CCDC149: variants seen among roughly 807,000 people sequenced by gnomAD.
CCDC149 encodes the protein coiled-coil domain-containing protein 149.
CCDC149 carries 45 observed loss-of-function variants against 59.9 expected under a neutral mutation model. The observed-to-expected ratio is 0.75, with a 90% confidence interval of 0.59 to 0.96. The LOEUF is 0.96. CCDC149 is among the 40% of genes least tolerant of loss of function. The probability of loss-of-function intolerance (pLI) is 0.00; values close to 1 mark genes in which losing one functional copy is unlikely to be tolerated. For synonymous variants in CCDC149, 245 were observed against 260.6 expected (o/e 0.94, Z 0.58); for missense variants, 584 against 664.7 (o/e 0.88, Z 1.33).
chr4:24,867,541 C>T (rs945531033), intron 3 of CCDC149, among the ~76,000 whole-genome samples: 2 of 152,184 alleles, frequency 1.3e-5, no homozygotes, highest in Admixed American at 1.3e-4. Flanking sequence ...TCTATCTATA[C>T]TTGAGAAGAA....
chr4:24,926,129 G>A (rs961007005), intron 1 of CCDC149, among the ~76,000 whole-genome samples: 2 of 152,156 alleles, frequency 1.3e-5, no homozygotes, highest in African/African-American at 4.8e-5. Flanking sequence ...CCGGGAGGTG[G>A]AGATTACAGT....
At chr4:24,826,669 G>A (rs889622756) in intron 9 of CCDC149, among the ~76,000 whole-genome samples, 1 of 152,182 alleles carries the variant, frequency 6.6e-6, no homozygotes, top group African/African-American at 2.4e-5. Flanking sequence ...AGATGAGAAG[G>A]GGTTGGTCAA....
upstream of CCDC149, among the ~76,000 whole-genome samples, chr4:24,915,452 T>C (rs888436738): frequency 6.6e-6 from 1 of 152,220 alleles, no homozygotes; most frequent in Non-Finnish European, 1.5e-5. Flanking sequence ...CCCTCACTGG[T>C]ATTTCAGGCA....
intron 1 of CCDC149, among the ~76,000 whole-genome samples, chr4:24,935,579 C>T (rs1303356450): frequency 1.3e-5 from 2 of 152,164 alleles, no homozygotes; most frequent in African/African-American, 4.8e-5. Context: ...CCCCAGAAAG[C>T]TCCCTTGCCC....
chr4:24,825,681 G>A (rs1256269017), intron 9 of CCDC149, among the ~76,000 whole-genome samples: 2 of 151,720 alleles, frequency 1.3e-5, no homozygotes, highest in South Asian at 2.1e-4. Flanking sequence ...GCTGAGGCAG[G>A]AGAATGGCGT....
At chr4:24,829,566 T>C (rs1427953888) in intron 9 of CCDC149, 3 of 151,990 alleles carry the variant, frequency 2.0e-5, no homozygotes, top group African/African-American at 7.3e-5. Context: ...GTGAAGAAAT[T>C]AAAGAAGGAA....
intron 1 of CCDC149, among the ~76,000 whole-genome samples, chr4:24,918,450 C>T (rs1395609787): frequency 3.3e-5 from 5 of 152,182 alleles, no homozygotes; most frequent in Admixed American, 2.6e-4. Flanking sequence ...TATCTAATGA[C>T]GTGCCCCTCT....
chr4:24,898,697 T>C (rs1257935487), intron 1 of CCDC149, among the ~76,000 whole-genome samples: 3 of 152,070 alleles, frequency 2.0e-5, no homozygotes, highest in East Asian at 3.9e-4. Context: ...AGGAACCGAG[T>C]TACCCTGCCA....
intron 3 of CCDC149, among the ~76,000 whole-genome samples, chr4:24,861,378 T>C (rs2109207623): frequency 6.6e-6 from 1 of 151,992 alleles, no homozygotes; most frequent in East Asian, 1.9e-4. Flanking sequence ...ATGAAGTAAC[T>C]CAGGAATGAA....
rs1367674240 is a variant in CCDC149, at chr4:24,808,687, T to A, written c.1325A>T (p.His442Leu). The change falls in exon 13 of 13, where the codon CAT becomes CTT. Residue 442 changes from histidine (H) to leucine (L), a missense_variant. By Grantham distance (99) the His-to-Leu change is moderately conservative. Transcript: ENST00000635206. The stretch of plus-strand genomic sequence containing the variant: ...AGAAGGTAACTGGGGTAATGAAGGA[T>A]GAAAGAGCTTGCATTGGTTCCCGCG... The A allele has an allele frequency of 4.5e-6, 7 of 1,552,404 alleles. No homozygotes were observed. The highest frequency in any genetic ancestry group is 6.1e-6 in the Non-Finnish European group (7 of 1,147,142).
intron 2 of CCDC149, among the ~76,000 whole-genome samples, chr4:24,874,553 G>C (rs1719289540): frequency 6.6e-6 from 1 of 152,068 alleles, no homozygotes; most frequent in Non-Finnish European, 1.5e-5. Context: ...CTGCACTCCA[G>C]CCTGGGCAAC....
chr4:24,923,765 C>A (rs920100684), intron 1 of CCDC149, among the ~76,000 whole-genome samples: 1 of 152,154 alleles, frequency 6.6e-6, no homozygotes, highest in Admixed American at 6.5e-5. Flanking sequence ...GTGCTGGGAA[C>A]CTTTGAAGTG....
At position 24,838,184 on chromosome 4, in the gene CCDC149, A is replaced by G; in HGVS notation, c.461T>C (p.Val154Ala). ...TTCCTTAGCTCGCTCTAGCTGCTGCACCAAGTCTTCACGCTCATGGGCTGC... is the reference window on the plus strand; with the variant it reads ...TTCCTTAGCTCGCTCTAGCTGCTGCGCCAAGTCTTCACGCTCATGGGCTGC... The change falls in exon 5 of 13, where the codon GTG becomes GCG. Residue 154 changes from valine (V) to alanine (A), a missense_variant. By Grantham distance (64) the Val-to-Ala change is moderately conservative (BLOSUM62 0). Transcript: ENST00000635206. 6.2e-7 allele frequency: 1 copy of G among 1,614,116 alleles called. No homozygotes were observed. The highest frequency in any genetic ancestry group is 1.1e-5 in the South Asian group (1 of 91,080).
intron 1 of CCDC149, among the ~76,000 whole-genome samples, chr4:24,960,778 G>A (rs1449382709): frequency 6.6e-6 from 1 of 152,136 alleles, no homozygotes; most frequent in Non-Finnish European, 1.5e-5. Context: ...GGGATTGCAA[G>A]GAGAAATAGA....
At chr4:24,856,196 C>T (rs926057863) in intron 3 of CCDC149, among the ~76,000 whole-genome samples, 2 of 152,186 alleles carry the variant, frequency 1.3e-5, no homozygotes, top group African/African-American at 2.4e-5. Flanking sequence ...TGCAATCCTG[C>T]CCCTTTATTG....
At chr4:24,859,340 A>C (rs537265859) in intron 3 of CCDC149, among the ~76,000 whole-genome samples, 1 of 152,314 alleles carries the variant, frequency 6.6e-6, no homozygotes, top group South Asian at 2.1e-4. Context: ...ACGCATTTTC[A>C]ACTTTTAATG....
chr4:24,884,619 C>T (rs1055943518), intron 1 of CCDC149, among the ~76,000 whole-genome samples: 5 of 152,152 alleles, frequency 3.3e-5, no homozygotes, highest in South Asian at 4.1e-4. Flanking sequence ...GTTGGGAACA[C>T]GGCAGGAGGA....
chr4:24,828,845 A>G (rs1715937500), intron 9 of CCDC149: 1 of 152,276 alleles, frequency 6.6e-6, no homozygotes, highest in Non-Finnish European at 1.5e-5. Flanking sequence ...AACATGAAAA[A>G]GTACATAGAA....
chr4:24,878,607 A>G (rs756589940), intron 1 of CCDC149, among the ~76,000 whole-genome samples: 12 of 152,156 alleles, frequency 7.9e-5, no homozygotes, highest in Non-Finnish European at 1.6e-4. Context: ...CGTAATCAGC[A>G]CCCTTGGTTG....
Sources: gnomAD v4.1 joint callset for allele counts (sites outside exome capture counted in the v4.1 genomes callset) on GRCh38, gnomAD v4.1.1 for gene constraint, MANE v1.5 for transcripts, NCBI Gene and HGNC (gene_info 2026-07-23, HGNC 2026-07-21) for gene names.